Variants in WWOX observed in about 807,000 individuals in gnomAD.
WWOX encodes WW domain containing oxidoreductase.
WWOX carries 69 observed loss-of-function variants against 46.2 expected under a neutral mutation model. That is an observed-to-expected ratio of 1.49 (90% CI 1.23 to 1.82). The LOEUF (loss-of-function observed/expected upper bound fraction) is 1.82, where lower values mean the gene tolerates loss of function less well. Ranked by LOEUF, WWOX falls within the 40% of genes most tolerant of loss-of-function variation. WWOX has a pLI of 0.00. For missense variants in WWOX, 919 were observed against 542.6 expected (o/e 1.69, Z -6.89); for synonymous variants, 359 against 202.6 (o/e 1.77, Z -6.56).
At chr16:78,797,572 G>C (rs867813354) in intron 8 of WWOX, among the ~76,000 whole-genome samples, 1 of 152,000 alleles carries the variant, frequency 6.6e-6, no homozygotes, top group Non-Finnish European at 1.5e-5. Flanking sequence ...TTTCAACCTG[G>C]GGCTTTAGTC....
chr16:78,853,428 G>T (rs1374954601), intron 8 of WWOX, among the ~76,000 whole-genome samples: 1 of 152,008 alleles, frequency 6.6e-6, no homozygotes, highest in Admixed American at 6.6e-5. Context: ...AACCAGGCTG[G>T]TATTGTTTTC....
intron 8 of WWOX, among the ~76,000 whole-genome samples, chr16:78,827,234 GA>G (rs1254491401): frequency 1.3e-5 from 2 of 152,198 alleles, no homozygotes; most frequent in African/African-American, 4.8e-5. Flanking sequence ...CTAAGACAGT[GA>G]GAGCAGATGT....
At chr16:79,111,251 A>T in intron 8 of WWOX, among the ~76,000 whole-genome samples, 1 of 152,170 alleles carries the variant, frequency 6.6e-6, no homozygotes. Flanking sequence ...AGGCACTGAG[A>T]CCCGGGACAC....
intron 5 of WWOX, among the ~76,000 whole-genome samples, chr16:78,221,057 G>A (rs1408296877): frequency 6.6e-6 from 1 of 152,142 alleles, no homozygotes; most frequent in African/African-American, 2.4e-5. Flanking sequence ...GAATCTTGGA[G>A]TAGATTTTAT....
chr16:78,410,737 C>T (rs549831053), intron 6 of WWOX, among the ~76,000 whole-genome samples: 137 of 141,498 alleles, frequency 9.7e-4, no homozygotes, highest in African/African-American at 3.6e-3. Context: ...AAACAGGAGG[C>T]GGAGGTTGTG....
chr16:78,322,817 C>G (rs61704146), intron 5 of WWOX, among the ~76,000 whole-genome samples: 39 of 152,062 alleles, frequency 2.6e-4, no homozygotes, highest in Non-Finnish European at 4.4e-4. Context: ...ATGGACGCTA[C>G]GTAAGAAAAT....
At chr16:78,922,000 G>T (rs1597154018) in intron 8 of WWOX, among the ~76,000 whole-genome samples, 1 of 152,290 alleles carries the variant, frequency 6.6e-6, no homozygotes, top group East Asian at 1.9e-4. Context: ...AGCTTCTATT[G>T]TCCTCTACCC....
At chr16:78,980,338 T>C (rs1265546349) in intron 8 of WWOX, among the ~76,000 whole-genome samples, 2 of 152,206 alleles carry the variant, frequency 1.3e-5, no homozygotes, top group Admixed American at 6.5e-5. Flanking sequence ...TGTCTTTATT[T>C]TGAGTAAACA....
At chr16:78,995,475 A>C (rs1207385176) in intron 8 of WWOX, among the ~76,000 whole-genome samples, 1 of 152,142 alleles carries the variant, frequency 6.6e-6, no homozygotes, top group East Asian at 1.9e-4. Flanking sequence ...CGATTGGTAA[A>C]ACCAAGTTCT....
At position 78,716,125 on chromosome 16, in the gene WWOX, A is replaced by C. The variant is rs182013535; in HGVS notation, c.1056+283373A>C. ...AGGTCCTTAAGATAGGCCCTAATCC[A>C]ATATGCACATAAAGGGGAATTTTGG... On this transcript the variant is annotated intron_variant, in intron 8 of 8. Transcript: ENST00000566780. Among the ~76,000 whole-genome samples, 738 of 152,268 alleles carry C rather than the reference A, an allele frequency of 4.8e-3. 8 individuals carry two copies. The highest frequency in any genetic ancestry group is 5.3e-3 in the Non-Finnish European group (363 of 68,004).
At chr16:78,667,032 A>G (rs1200131822) in intron 8 of WWOX, among the ~76,000 whole-genome samples, 1 of 152,208 alleles carries the variant, frequency 6.6e-6, no homozygotes, top group Non-Finnish European at 1.5e-5. Context: ...TGCTGGCTGA[A>G]TTAAAAGTCT....
intron 8 of WWOX, among the ~76,000 whole-genome samples, chr16:78,802,541 C>G (rs916119431): frequency 6.6e-6 from 1 of 151,876 alleles, no homozygotes; most frequent in African/African-American, 2.4e-5. Flanking sequence ...ACCATTTTCC[C>G]CAAAACTTAG....
At chr16:79,075,276 G>GT (rs2048633383) in intron 8 of WWOX, among the ~76,000 whole-genome samples, 1 of 152,046 alleles carries the variant, frequency 6.6e-6, no homozygotes, top group Admixed American at 6.6e-5. Context: ...TTCTACATTC[G>GT]TTTTTTAACC....
chr16:79,175,998 A>T (rs2050792871), intron 8 of WWOX, among the ~76,000 whole-genome samples: 1 of 152,152 alleles, frequency 6.6e-6, no homozygotes, highest in South Asian at 2.1e-4. Context: ...TTTTAGCAGA[A>T]ATGTTACCTG....
intron 8 of WWOX, among the ~76,000 whole-genome samples, chr16:78,868,414 T>TG (rs1017827984): frequency 2.6e-5 from 4 of 151,680 alleles, no homozygotes; most frequent in Non-Finnish European, 5.9e-5. Context: ...GGGGCAATTT[T>TG]GGGGGGTCAA....
At chr16:78,820,461 C>A (rs1043580295) in intron 8 of WWOX, among the ~76,000 whole-genome samples, 1 of 152,164 alleles carries the variant, frequency 6.6e-6, no homozygotes, top group African/African-American at 2.4e-5. Context: ...ATCTTTCTTA[C>A]TGATGATCTG....
chr16:79,040,275 A>T (rs1171444934), intron 8 of WWOX, among the ~76,000 whole-genome samples: 1 of 139,240 alleles, frequency 7.2e-6, no homozygotes. Flanking sequence ...TTCTGAGTTG[A>T]TTTTTTTTTT....
At chr16:78,953,055 A>G (rs1330867715) in intron 8 of WWOX, among the ~76,000 whole-genome samples, 2 of 150,962 alleles carry the variant, frequency 1.3e-5, no homozygotes, top group African/African-American at 2.4e-5. Flanking sequence ...GTTGTTGTTC[A>G]TGGTGGTGGT....
rs544011889 is a variant in WWOX, at chr16:78,464,544, G to A, written c.1056+31792G>A. On this transcript the variant is annotated intron_variant, in intron 8 of 8. Coordinates refer to ENST00000566780, the MANE Select transcript of WWOX (RefSeq NM_016373.4). ...CCATATTTCCTTGAATCTTCATGACGATCCTTCAAGGGATCCTTGTTTTCT... is the reference window on the plus strand; with the variant it reads ...CCATATTTCCTTGAATCTTCATGACAATCCTTCAAGGGATCCTTGTTTTCT... 1.8e-3 allele frequency among the ~76,000 whole-genome samples: 279 copies of A among 152,192 alleles called. 3 individuals carry two copies. The Middle Eastern group carries it at 0.031, about 17-fold the overall frequency.
Sources: gnomAD v4.1 joint callset for allele counts (sites outside exome capture counted in the v4.1 genomes callset) on GRCh38, gnomAD v4.1.1 for gene constraint, MANE v1.5 for transcripts, NCBI Gene and HGNC (gene_info 2026-07-23, HGNC 2026-07-21) for gene names.